Variants in CAPN14 observed in about 807,000 individuals in gnomAD.
CAPN14 encodes calpain-14.
CAPN14 carries 94 observed loss-of-function variants against 101.3 expected under a neutral mutation model. The ratio of observed to expected loss-of-function variants is 0.93; its 90% CI spans 0.79 to 1.10. CAPN14 has a LOEUF of 1.10. Among genes scored for constraint, CAPN14 ranks in the 50% least tolerant of loss-of-function variants. The pLI is 0.00. For missense variants in CAPN14, 837 were observed against 828.4 expected (o/e 1.01, Z -0.13); for synonymous variants, 338 against 317.9 (o/e 1.06, Z -0.67).
intron 18 of CAPN14, 23 bp from the exon 19 acceptor site, chr2:31,177,844 T>G: frequency 6.5e-7 from 1 of 1,541,828 alleles, no homozygotes; most frequent in East Asian, 2.4e-5. Context: ...AAATAAGAGG[T>G]TCAGGAAGCC....
chr2:31,176,999 G>C, intron 20 of CAPN14, 27 bp downstream of exon 20: 1 of 1,482,660 alleles, frequency 6.7e-7, no homozygotes, highest in Non-Finnish European at 9.2e-7. Context: ...GGAAGACCTG[G>C]CCCTCCCCAG....
rs1231076644 is a variant in CAPN14 at position 31,230,657 on chromosome 2, AT to A, written c.-177+3133del. 6.6e-6 allele frequency among the ~76,000 whole-genome samples: 1 copy of A among 152,226 alleles called. No homozygotes were observed. Among genetic ancestry groups the A allele is most frequent in the East Asian group, 1.9e-4 (1 of 5,180 alleles). On this transcript the variant is annotated intron_variant and NMD_transcript_variant, in intron 1 of 21. Transcript: ENST00000398824. The surrounding 1 kb of genome is among the most constrained non-coding windows in gnomAD (Gnocchi z 4.3). ...ATTCATGTAGCCTCTTGTAAAAGAC[AT>A]TTTTGTAGCTCTTGCCAAGTTTTTT...
chr2:31,174,417 C>T lies in CAPN14; in HGVS notation c.*264G>A, dbSNP rs963456075. 14 of 574,754 alleles carry T rather than the reference C, an allele frequency of 2.4e-5. No homozygotes were observed. In the Admixed American group the frequency reaches 2.8e-4, roughly 12 times the overall value. 35.6% of individuals were successfully genotyped at this position (574,754 alleles called of 1,614,324 possible). ...CTTAGGCCATGTCAGGTAACATCTCCGCTTGTGACAAGGTTGTGGCCTCAG... is the reference window on the plus strand; with the variant it reads ...CTTAGGCCATGTCAGGTAACATCTCTGCTTGTGACAAGGTTGTGGCCTCAG... On this transcript the variant is annotated 3_prime_UTR_variant, in exon 22 of 22. Coordinates refer to ENST00000403897, the MANE Select transcript of CAPN14 (RefSeq NM_001145122.2).
chr2:31,183,334 A>G (rs1680743350), intron 16 of CAPN14, among the ~76,000 whole-genome samples: 1 of 152,226 alleles, frequency 6.6e-6, no homozygotes, highest in Admixed American at 6.5e-5. Context: ...AAATTGAAAA[A>G]TGGGATCTAA....
intron 2 of CAPN14, among the ~76,000 whole-genome samples, chr2:31,224,230 C>A (rs1313088373): frequency 4.6e-5 from 7 of 152,094 alleles, no homozygotes; most frequent in Admixed American, 3.9e-4. Context: ...GATGGCACCA[C>A]CATCTACCCA....
chr2:31,179,066 A>T (rs200152432), intron 17 of CAPN14, among the ~76,000 whole-genome samples: 1 of 74,542 alleles, frequency 1.3e-5, no homozygotes, highest in African/African-American at 8.0e-5. Flanking sequence ...AGTTCTATAT[A>T]TATATATATA....
upstream of CAPN14, among the ~76,000 whole-genome samples, chr2:31,219,576 C>G (rs1272718352): frequency 2.0e-5 from 3 of 152,200 alleles, no homozygotes; most frequent in Non-Finnish European, 2.9e-5. Context: ...CCCAGAAAGG[C>G]TTTGATGGGC....
intron 2 of CAPN14, among the ~76,000 whole-genome samples, chr2:31,203,856 C>T (rs932518157): frequency 1.3e-5 from 2 of 152,182 alleles, no homozygotes; most frequent in East Asian, 3.8e-4. Context: ...ACCCTGTTCA[C>T]TAGCTGTGTT....
At chr2:31,200,207 A>G (rs1681682006) in intron 6 of CAPN14, among the ~76,000 whole-genome samples, 1 of 152,000 alleles carries the variant, frequency 6.6e-6, no homozygotes, top group African/African-American at 2.4e-5. Flanking sequence ...GTTTCACCAT[A>G]TTGGCCAGGC....
rs1250382953 is a variant in CAPN14, at chr2:31,210,396, C to T, written c.-52-4897G>A. Among the ~76,000 whole-genome samples, 6 of 152,060 alleles carry T rather than the reference C, an allele frequency of 3.9e-5. No individual in the cohort carries two copies. The East Asian group carries it at 5.8e-4, about 15-fold the overall frequency. ...CCGGGAGGCGGAGCTTGCAGTGAGC[C>T]GAGATTGCGCCACTGCACTCCAGCC... On this transcript the variant is annotated intron_variant, in intron 1 of 21. Transcript: ENST00000403897.
intron 1 of CAPN14, among the ~76,000 whole-genome samples, chr2:31,229,416 A>G (rs1293209661): frequency 6.6e-6 from 1 of 152,224 alleles, no homozygotes; most frequent in Non-Finnish European, 1.5e-5. Context: ...TTTTTTTTAA[A>G]ATAAAGGATA....
chr2:31,180,083 GGGTCAA>G lies in CAPN14; in HGVS notation c.1710+847_1710+852del, dbSNP rs1274382822. Among the ~76,000 whole-genome samples the G allele has an allele frequency of 5.9e-5, 9 of 152,100 alleles. No individual in the cohort carries two copies. In the East Asian group the frequency reaches 1.5e-3, roughly 26 times the overall value. ...AGATACCCCTACCATCAGAGACATT[GGGTCAA>G]AGTACCACCACACCCCATCTCTATT... is the stretch of plus-strand genomic sequence containing the variant. On this transcript the variant is annotated intron_variant, in intron 17 of 21. Coordinates refer to ENST00000403897, the MANE Select transcript of CAPN14 (RefSeq NM_001145122.2).
At position 31,223,388 on chromosome 2, in the gene CAPN14, G is replaced by A. The variant is rs115898049; in HGVS notation, c.-53+3140C>T. ...AATTATTCACACAGCACAGTTTAGGGTGACCAGTTCCCTCACTGTTAAATA... is the reference window on the plus strand; with the variant it reads ...AATTATTCACACAGCACAGTTTAGGATGACCAGTTCCCTCACTGTTAAATA... On this transcript the variant is annotated intron_variant and NMD_transcript_variant, in intron 2 of 21. Coordinates refer to the CAPN14 transcript ENST00000398824. 2.4e-3 allele frequency among the ~76,000 whole-genome samples: 370 copies of A among 152,224 alleles called. 1 individual carries two copies. Among genetic ancestry groups the A allele is most frequent in the African/African-American group, 8.4e-3 (348 of 41,530 alleles).
rs369087253 is a variant in CAPN14, at chr2:31,228,508, A to G, written c.-176-1857T>C. 3 of 152,230 alleles carry G rather than the reference A, an allele frequency of 2.0e-5. No individual in the cohort carries two copies. The East Asian group carries it at 5.8e-4, about 29-fold the overall frequency. The allele number at this position is 152,230 out of a possible 1,614,324, so 9.4% of individuals were successfully genotyped here. ...AAAATTATATTCCTTTGAGTCAATG[A>G]GCCATCCTCAGTTAAGACACAAATG... On this transcript the variant is annotated intron_variant and NMD_transcript_variant, in intron 1 of 21. Coordinates refer to the CAPN14 transcript ENST00000398824.
At chr2:31,187,863 G>C in intron 14 of CAPN14, 49 bp from the exon 15 acceptor site, 1 of 1,411,830 alleles carries the variant, frequency 7.1e-7, no homozygotes, top group Non-Finnish European at 9.8e-7. Flanking sequence ...CTGTATAAAC[G>C]GACTTTCGTG....
chr2:31,177,768 C>T lies in CAPN14; in HGVS notation c.1833G>A (p.Leu611=). The stretch of plus-strand genomic sequence containing the variant: ...TACCTGCCTCCCTCATGGCAGCGTG[C>T]AGCTGCTCCCAGTTCAGGTATCCTG... The part of the protein sequence containing the change: ...RGSGYLNWEQ[L]HAAMREAGIM... The change falls in exon 19 of 22, where the codon CTG becomes CTA. Residue 611 remains leucine (L), a synonymous_variant. Transcript: ENST00000403897. 6.4e-7 allele frequency: 1 copy of T among 1,551,952 alleles called. No individual in the cohort carries two copies. Among genetic ancestry groups the T allele is most frequent in the Non-Finnish European group, 8.7e-7 (1 of 1,146,992 alleles).
At chr2:31,190,865 G>A (rs1394653078) in intron 12 of CAPN14, among the ~76,000 whole-genome samples, 1 of 152,078 alleles carries the variant, frequency 6.6e-6, no homozygotes, top group African/African-American at 2.4e-5. Flanking sequence ...GGGATTCCTT[G>A]GGCCTTCCTA....
At chr2:31,223,521 GT>G in intron 2 of CAPN14, among the ~76,000 whole-genome samples, 2 of 148,704 alleles carry the variant, frequency 1.3e-5, no homozygotes, top group East Asian at 3.9e-4. Context: ...CTAAGCTTCT[GT>G]TTCTTTTTCT....
chr2:31,184,697 T>A (rs1487770415), intron 16 of CAPN14, among the ~76,000 whole-genome samples: 4 of 152,214 alleles, frequency 2.6e-5, no homozygotes, highest in Non-Finnish European at 5.9e-5. Context: ...ATATGTGAGG[T>A]ACTAAAGACC....
Sources: gnomAD v4.1 joint callset for allele counts (sites outside exome capture counted in the v4.1 genomes callset) on GRCh38, gnomAD v4.1.1 for gene constraint, Gnocchi (gnomAD v3.1) non-coding constraint, MANE v1.5 for transcripts, NCBI Gene and HGNC (gene_info 2026-07-23, HGNC 2026-07-21) for gene names.